ZIM2: variants seen among roughly 807,000 people sequenced by gnomAD.
The protein encoded by ZIM2 is zinc finger imprinted 2.
In ZIM2, 14 loss-of-function variants were observed where a neutral mutation model predicts 38.6. That is an observed-to-expected ratio of 0.36 (90% CI 0.24 to 0.57). The LOEUF is 0.57. ZIM2 is among the 20% of genes least tolerant of loss of function. The pLI, the probability that ZIM2 is intolerant of heterozygous loss-of-function variation, is 0.81. For synonymous variants in ZIM2, 247 were observed against 245.8 expected, an observed-to-expected ratio of 1.00 and a Z score of -0.04; for missense variants, 680 against 695.1, an observed-to-expected ratio of 0.98 and a Z score of 0.24.
At chr19:56,779,237 A>G in intron 12 of ZIM2, 140 bp downstream of exon 12, 1 of 714,506 alleles carries the variant, frequency 1.4e-6, no homozygotes, top group Non-Finnish European at 2.3e-6. Context: ...GATGGGCTTC[A>G]GAAAGGAGAC....
At chr19:56,830,882 A>G (rs140921012) in intron 2 of ZIM2, among the ~76,000 whole-genome samples, 266 of 152,228 alleles carry the variant, frequency 1.7e-3, no homozygotes, top group African/African-American at 4.8e-3. Context: ...GGCTAAGATC[A>G]TGCCCCTGCA....
At chr19:56,834,884 G>A (rs151227255) in intron 2 of ZIM2, among the ~76,000 whole-genome samples, 18 of 152,240 alleles carry the variant, frequency 1.2e-4, no homozygotes, top group African/African-American at 4.1e-4. Flanking sequence ...ATTCACTTCT[G>A]GAGACTCTAA....
At chr19:56,812,108 C>T in intron 9 of ZIM2, 2 of 975,118 alleles carry the variant, frequency 2.1e-6, no homozygotes, top group Non-Finnish European at 2.4e-6. Flanking sequence ...TTACATTTTG[C>T]AAATCTTTTT....
At chr19:56,836,164 G>C (rs2062078200) in intron 1 of ZIM2, 60 bp from the exon 2 acceptor site, 1 of 434,372 alleles carries the variant, frequency 2.3e-6, no homozygotes. Context: ...GGGTTCCTCA[G>C]GGGGGAACAA....
chr19:56,815,313 G>A (rs778842223), intron 9 of ZIM2: 21 of 1,614,036 alleles, frequency 1.3e-5, no homozygotes, highest in East Asian at 1.1e-4. Flanking sequence ...TGAGGTCTTC[G>A]CTGGTAGCAA....
At chr19:56,817,133 G>C (rs1277651732) in intron 9 of ZIM2, 3 of 1,614,112 alleles carry the variant, frequency 1.9e-6, no homozygotes, top group South Asian at 1.1e-5. Flanking sequence ...GTAAAGGAGG[G>C]GGAGCTGAGG....
chr19:56,814,311 A>G lies in ZIM2; in HGVS notation c.490+3435T>C, dbSNP rs2059772052. 1.1e-5 allele frequency: 17 copies of G among 1,614,048 alleles called. No homozygotes were observed. Among genetic ancestry groups the G allele is most frequent in the Non-Finnish European group, 1.4e-5 (17 of 1,180,028 alleles). On this transcript the variant is annotated intron_variant, in intron 9 of 12. Coordinates refer to ENST00000629319, the MANE Select transcript of ZIM2 (RefSeq NM_001387356.1). This position sits in a 1 kb window ranked among gnomAD's most constrained non-coding sequence, Gnocchi z 5.8. The stretch of plus-strand genomic sequence containing the variant: ...TCAGAACTACTTGTGGAACATGGAC[A>G]TTGGCTTCAACTTCCTGGGCTGCTG...
At chr19:56,818,806 G>A (rs578129373) in intron 7 of ZIM2, 104 bp from the exon 8 acceptor site, 12 of 1,329,414 alleles carry the variant, frequency 9.0e-6, no homozygotes, top group African/African-American at 4.3e-5. Flanking sequence ...AGTTATATAG[G>A]AAGTGCTCAC....
At chr19:56,781,084 G>A (rs1230952934) in intron 11 of ZIM2, among the ~76,000 whole-genome samples, 1 of 152,144 alleles carries the variant, frequency 6.6e-6, no homozygotes, top group Non-Finnish European at 1.5e-5. Context: ...TCTATTTTAA[G>A]TCATAAAATG....
intron 12 of ZIM2, among the ~76,000 whole-genome samples, chr19:56,778,764 A>G (rs1214212446): frequency 6.6e-6 from 1 of 152,134 alleles, no homozygotes; most frequent in Non-Finnish European, 1.5e-5. Context: ...CTGAAGGACA[A>G]CAGTGATCCA....
In ZIM2 at chr19:56,808,576, GCTT is replaced by G. The variant is rs1401277145; in HGVS notation, c.490+9167_490+9169del. Among the ~76,000 whole-genome samples the G allele has an allele frequency of 2.0e-5, 3 of 151,742 alleles. 1 individual carries two copies. Among genetic ancestry groups the G allele is most frequent in the Non-Finnish European group, 4.4e-5 (3 of 68,008 alleles). On this transcript the variant is annotated intron_variant, in intron 9 of 12. Transcript: ENST00000629319. ...GTGGGGAGATATGGTACCAGTCCTG[GCTT>G]CTTCATCACTCCTGCCTTTCTAGGG...
At chr19:56,831,968 A>AATGGC (rs2146540787) in intron 2 of ZIM2, among the ~76,000 whole-genome samples, 1 of 152,316 alleles carries the variant, frequency 6.6e-6, no homozygotes, top group South Asian at 2.1e-4. Context: ...CTGTTTAATA[A>AATGGC]ATGGCATGAT....
At chr19:56,822,093 CAG>C (rs1445432850) in intron 6 of ZIM2, among the ~76,000 whole-genome samples, 1 of 152,188 alleles carries the variant, frequency 6.6e-6, no homozygotes, top group Non-Finnish European at 1.5e-5. Flanking sequence ...CAATGTGTGA[CAG>C]GGAGATGGCA....
At chr19:56,783,982 A>G (rs538211726) in intron 10 of ZIM2, among the ~76,000 whole-genome samples, 5 of 152,356 alleles carry the variant, frequency 3.3e-5, no homozygotes, top group South Asian at 2.1e-4. Flanking sequence ...TGCTAATCCA[A>G]TAAGTCTTTA....
Position 56,836,064 on chromosome 19 carries a change from C to T in ZIM2, c.-273G>A. On this transcript the variant is annotated 5_prime_UTR_variant, in exon 2 of 13. Coordinates refer to ENST00000629319, the MANE Select transcript of ZIM2 (RefSeq NM_001387356.1). ...TTGGACCTAGTCCCTCTTCCTCTCGCCAGTCGTCTCCAAGAAGGACGGAAG... is the reference window on the plus strand; with the variant it reads ...TTGGACCTAGTCCCTCTTCCTCTCGTCAGTCGTCTCCAAGAAGGACGGAAG... 2.0e-6 allele frequency: 1 copy of T among 505,446 alleles called. No individual in the cohort carries two copies. The highest frequency in any genetic ancestry group is 1.5e-5 in the South Asian group (1 of 68,572). 31.3% of individuals were successfully genotyped at this position (505,446 alleles called of 1,614,324 possible). A position where few individuals can be genotyped will look rare whatever the true frequency, so the allele number is the denominator to read the frequency against.
intron 5 of ZIM2, 32 bp from the exon 6 acceptor site, chr19:56,822,868 A>AAG (rs767911458): frequency 1.2e-6 from 2 of 1,602,774 alleles, no homozygotes; most frequent in Middle Eastern, 3.3e-4. Flanking sequence ...GTGGTTAACA[A>AAG]AGCTCTTTGA....
chr19:56,810,343 T>A, intron 9 of ZIM2: 1 of 985,292 alleles, frequency 1.0e-6, no homozygotes, highest in Non-Finnish European at 1.2e-6. Context: ...AATGATGACC[T>A]TTCAAGGAAA....
intron 1 of ZIM2, among the ~76,000 whole-genome samples, chr19:56,837,585 A>G (rs1336002912): frequency 6.6e-6 from 1 of 152,202 alleles, no homozygotes; most frequent in Non-Finnish European, 1.5e-5. Context: ...GGAGGAAGTA[A>G]GGCGCCACCA....
At chr19:56,815,451 A>G (rs2059892064) in intron 9 of ZIM2, 1 of 1,614,164 alleles carries the variant, frequency 6.2e-7, no homozygotes, top group South Asian at 1.1e-5. Context: ...TTCTGCTTCC[A>G]GAGGGCTTCT....
Sources: allele counts gnomAD v4.1 joint callset (sites outside exome capture counted in the v4.1 genomes callset), GRCh38; gene constraint gnomAD v4.1.1; non-coding constraint Gnocchi (gnomAD v3.1); transcripts MANE v1.5; gene names NCBI Gene and HGNC (gene_info 2026-07-23, HGNC 2026-07-21).